ROBO2: variants seen among roughly 807,000 people sequenced by gnomAD.
ROBO2 encodes roundabout guidance receptor 2, also known as roundabout homolog 2.
Under a neutral mutation model 160.8 loss-of-function variants are expected in ROBO2, and 53 were observed. The ratio of observed to expected loss-of-function variants is 0.33; its 90% confidence interval spans 0.26 to 0.41. The LOEUF is 0.41. Ranked by LOEUF, ROBO2 falls within the 10% of genes least tolerant of loss-of-function variation. ROBO2 has a pLI of 1.00. For synonymous variants in ROBO2, 664 were observed against 611.7 expected, an observed-to-expected ratio of 1.09 and a Z score of -1.26; for missense variants, 1,577 against 1,722.4, an observed-to-expected ratio of 0.92 and a Z score of 1.49.
chr3:77,580,634 G>C (rs1276813692), intron 16 of ROBO2, among the ~76,000 whole-genome samples: 2 of 152,036 alleles, frequency 1.3e-5, no homozygotes, highest in Non-Finnish European at 2.9e-5. Context: ...GTCTGTTCTT[G>C]AGATGTATAT....
At chr3:77,091,903 C>T (rs1196158547) in intron 1 of ROBO2, among the ~76,000 whole-genome samples, 1 of 151,782 alleles carries the variant, frequency 6.6e-6, no homozygotes, top group Non-Finnish European at 1.5e-5. Context: ...TCGCTTCAAC[C>T]TGGGAGACGG....
intron 2 of ROBO2, among the ~76,000 whole-genome samples, chr3:76,360,196 A>G (rs1156885931): frequency 6.6e-6 from 1 of 152,006 alleles, no homozygotes. Context: ...TGACTATCTA[A>G]ATCCATGTCA....
intron 2 of ROBO2, among the ~76,000 whole-genome samples, chr3:77,313,291 T>C (rs2063704410): frequency 6.6e-6 from 1 of 152,218 alleles, no homozygotes; most frequent in Admixed American, 6.5e-5. Context: ...AATGATGTTT[T>C]GATACATATA....
chr3:76,956,600 G>A (rs1366647485), intron 2 of ROBO2, among the ~76,000 whole-genome samples: 2 of 151,422 alleles, frequency 1.3e-5, no homozygotes, highest in East Asian at 1.9e-4. Flanking sequence ...GTGCATCAGT[G>A]TTGCACAAAT....
intron 2 of ROBO2, among the ~76,000 whole-genome samples, chr3:76,008,284 A>G (rs2066087789): frequency 6.6e-6 from 1 of 150,590 alleles, no homozygotes; most frequent in Non-Finnish European, 1.5e-5. Flanking sequence ...TGCTAAATAT[A>G]TTTCTGGCTG....
At chr3:75,958,286 C>G (rs1230656123) in intron 2 of ROBO2, among the ~76,000 whole-genome samples, 3 of 151,764 alleles carry the variant, frequency 2.0e-5, no homozygotes, top group Non-Finnish European at 4.4e-5. Flanking sequence ...TGTTCAATCA[C>G]TCCTTTAGTT....
chr3:76,276,412 C>T (rs899435904), intron 2 of ROBO2, among the ~76,000 whole-genome samples: 7 of 152,108 alleles, frequency 4.6e-5, no homozygotes, highest in African/African-American at 1.4e-4. Flanking sequence ...CTAGCCACTT[C>T]GCTACTTTAC....
intron 2 of ROBO2, among the ~76,000 whole-genome samples, chr3:76,994,108 T>A (rs2060853811): frequency 6.6e-6 from 1 of 151,734 alleles, no homozygotes; most frequent in African/African-American, 2.4e-5. Flanking sequence ...TTTTTGTTGT[T>A]TTAAAGCTGG....
intron 2 of ROBO2, among the ~76,000 whole-genome samples, chr3:75,982,281 A>G (rs2065301160): frequency 6.6e-6 from 1 of 151,196 alleles, no homozygotes; most frequent in Admixed American, 6.6e-5. Flanking sequence ...TCTCTTTGGT[A>G]TATACTTAGC....
intron 2 of ROBO2, among the ~76,000 whole-genome samples, chr3:75,967,013 T>C (rs906550280): frequency 6.6e-6 from 1 of 151,692 alleles, no homozygotes; most frequent in Admixed American, 6.6e-5. Context: ...TGTGTGTGCA[T>C]GTGTATTTAT....
intron 1 of ROBO2, among the ~76,000 whole-genome samples, chr3:77,046,404 A>G (rs2064675648): frequency 6.6e-6 from 1 of 152,174 alleles, no homozygotes. Flanking sequence ...TGCCTCGTAA[A>G]ACTTTACAAA....
At chr3:77,121,233 C>T (rs1376549562) in intron 2 of ROBO2, among the ~76,000 whole-genome samples, 1 of 152,106 alleles carries the variant, frequency 6.6e-6, no homozygotes, top group Non-Finnish European at 1.5e-5. Flanking sequence ...GCGTGAGCCA[C>T]CGAGCCCAGC....
chr3:76,917,446 A>G (rs1474295538), intron 2 of ROBO2, among the ~76,000 whole-genome samples: 1 of 152,234 alleles, frequency 6.6e-6, no homozygotes, highest in Non-Finnish European at 1.5e-5. Context: ...TGAGAAAATC[A>G]TGAAAACATT....
chr3:77,421,379 CA>C (rs1399962352), intron 2 of ROBO2, among the ~76,000 whole-genome samples: 3 of 152,044 alleles, frequency 2.0e-5, no homozygotes, highest in South Asian at 2.1e-4. Flanking sequence ...TCGTGTATAA[CA>C]TTTTTTTTCT....
At chr3:76,108,921 A>G (rs1476957361) in intron 2 of ROBO2, among the ~76,000 whole-genome samples, 2 of 151,404 alleles carry the variant, frequency 1.3e-5, no homozygotes, top group Non-Finnish European at 3.0e-5. Flanking sequence ...TTAGATTACT[A>G]TTAATGTATT....
At chr3:76,479,156 T>C (rs2079084702) in intron 2 of ROBO2, among the ~76,000 whole-genome samples, 1 of 152,184 alleles carries the variant, frequency 6.6e-6, no homozygotes, top group Admixed American at 6.6e-5. Context: ...CAATATAGCA[T>C]TTCCCTTAGA....
chr3:76,526,004 G>A (rs2107974765), intron 2 of ROBO2, among the ~76,000 whole-genome samples: 1 of 151,930 alleles, frequency 6.6e-6, no homozygotes, highest in South Asian at 2.1e-4. Flanking sequence ...AGGCAGTGGA[G>A]AGATCTAAAA....
At chr3:76,165,929 C>G (rs1472952867) in intron 2 of ROBO2, among the ~76,000 whole-genome samples, 1 of 152,082 alleles carries the variant, frequency 6.6e-6, no homozygotes, top group African/African-American at 2.4e-5. Flanking sequence ...ACAATTCATT[C>G]ATCAAGTTTG....
intron 1 of ROBO2, among the ~76,000 whole-genome samples, chr3:75,919,725 G>T (rs890283866): frequency 6.6e-6 from 1 of 152,116 alleles, no homozygotes; most frequent in African/African-American, 2.4e-5. Flanking sequence ...CTTGTTATTG[G>T]TCTATTCAGG....
Sources: gnomAD v4.1 joint callset for allele counts (sites outside exome capture counted in the v4.1 genomes callset) on GRCh38, gnomAD v4.1.1 for gene constraint, MANE v1.5 for transcripts, NCBI Gene and HGNC (gene_info 2026-07-23, HGNC 2026-07-21) for gene names.